The following CAB39 variants were observed in gnomAD, a reference collection of about 807,000 sequenced individuals.
CAB39 encodes calcium-binding protein 39.
A neutral mutation model predicts 40.0 loss-of-function variants in CAB39; 8 were observed. The ratio of observed to expected loss-of-function variants is 0.20; its 90% CI spans 0.12 to 0.36. The LOEUF (loss-of-function observed/expected upper bound fraction) is 0.36, where lower values mean the gene tolerates loss of function less well. Among genes scored for constraint, CAB39 ranks in the 10% least tolerant of loss-of-function variants. The pLI, the probability that CAB39 is intolerant of heterozygous loss-of-function variation, is 1.00. For missense variants in CAB39, 270 were observed against 401.1 expected, an observed-to-expected ratio of 0.67 and a Z score of 2.79; for synonymous variants, 156 against 141.6, an observed-to-expected ratio of 1.10 and a Z score of -0.72.
chr2:230,807,858 G>A (rs982976882), intron 5 of CAB39, among the ~76,000 whole-genome samples: 2 of 152,080 alleles, frequency 1.3e-5, no homozygotes, highest in East Asian at 1.9e-4. Flanking sequence ...CACTCTCTTC[G>A]TGAGGTTATG....
At chr2:230,801,477 G>A (rs1284715711) in intron 5 of CAB39, among the ~76,000 whole-genome samples, 1 of 152,168 alleles carries the variant, frequency 6.6e-6, no homozygotes, top group Non-Finnish European at 1.5e-5. Flanking sequence ...TGAGAATGTG[G>A]CAAGAGCGCC....
At chr2:230,731,725 G>GC (rs1694693310) in intron 1 of CAB39, among the ~76,000 whole-genome samples, 1 of 152,120 alleles carries the variant, frequency 6.6e-6, no homozygotes, top group African/African-American at 2.4e-5. Context: ...TCTTGAACTG[G>GC]CCTTAGGCAA....
At chr2:230,774,694 T>C (rs1695554739) in intron 2 of CAB39, among the ~76,000 whole-genome samples, 1 of 152,158 alleles carries the variant, frequency 6.6e-6, no homozygotes, top group Non-Finnish European at 1.5e-5. Flanking sequence ...TTTGCTGACA[T>C]ATTTTAAGAG....
chr2:230,802,151 T>C (rs1696101500), intron 5 of CAB39, among the ~76,000 whole-genome samples: 1 of 152,156 alleles, frequency 6.6e-6, no homozygotes, highest in Admixed American at 6.5e-5. Context: ...AACAACCTGC[T>C]CCTGAATGAC....
At chr2:230,777,295 CT>C (rs1695609845) in intron 2 of CAB39, among the ~76,000 whole-genome samples, 1 of 151,182 alleles carries the variant, frequency 6.6e-6, no homozygotes, top group African/African-American at 2.4e-5. Context: ...TTTTCTCCCT[CT>C]CTCTGGGGCA....
At chr2:230,734,530 G>C (rs556960111) in intron 1 of CAB39, among the ~76,000 whole-genome samples, 1 of 152,268 alleles carries the variant, frequency 6.6e-6, no homozygotes, top group Non-Finnish European at 1.5e-5. Context: ...GAAAGAAATG[G>C]TTCTGGGGGT....
At chr2:230,736,574 T>C (rs576982567) in intron 1 of CAB39, among the ~76,000 whole-genome samples, 2 of 152,180 alleles carry the variant, frequency 1.3e-5, no homozygotes, top group Non-Finnish European at 1.5e-5. Flanking sequence ...CAAGACAGTT[T>C]ATGAGATAAA....
intron 2 of CAB39, among the ~76,000 whole-genome samples, chr2:230,781,136 G>A (rs1464172918): frequency 6.6e-6 from 1 of 152,084 alleles, no homozygotes; most frequent in Admixed American, 6.5e-5. Flanking sequence ...AGTTTCTCAG[G>A]TGATTCTGAG....
Position 230,818,875 on chromosome 2 carries a change from C to T in CAB39, c.*171C>T, listed in dbSNP as rs1559621829. 1.8e-6 allele frequency: 1 copy of T among 559,912 alleles called. No homozygotes were observed. Among genetic ancestry groups the T allele is most frequent in the Non-Finnish European group, 3.2e-6 (1 of 314,268 alleles). 34.7% of individuals were successfully genotyped at this position (559,912 alleles called of 1,614,324 possible). A position where few individuals can be genotyped will look rare whatever the true frequency, so the allele number is the denominator to read the frequency against. On this transcript the variant is annotated 3_prime_UTR_variant, in exon 9 of 9. Transcript: ENST00000258418. The stretch of plus-strand genomic sequence containing the variant: ...TCCAGGTTGGAGATCGTAGCTGCTG[C>T]TGCTTGCACACTAGGGCACATGTGG...
intron 1 of CAB39, among the ~76,000 whole-genome samples, chr2:230,727,912 C>T (rs1694615389): frequency 1.3e-5 from 2 of 152,062 alleles, no homozygotes; most frequent in South Asian, 4.1e-4. Flanking sequence ...ATTCTAGATC[C>T]TAGAATACCA....
chr2:230,798,180 G>C (rs1212858586), intron 4 of CAB39, among the ~76,000 whole-genome samples: 1 of 152,188 alleles, frequency 6.6e-6, no homozygotes, highest in African/African-American at 2.4e-5. Context: ...GGGACACTTT[G>C]TGAAGTCCTC....
At chr2:230,776,820 A>C (rs1250342820) in intron 2 of CAB39, among the ~76,000 whole-genome samples, 2 of 151,904 alleles carry the variant, frequency 1.3e-5, no homozygotes, top group Non-Finnish European at 2.9e-5. Flanking sequence ...CCTCCCCAGT[A>C]GCTGGGACTA....
intron 1 of CAB39, among the ~76,000 whole-genome samples, chr2:230,733,812 C>G (rs1030685719): frequency 6.6e-6 from 1 of 152,200 alleles, no homozygotes; most frequent in African/African-American, 2.4e-5. Context: ...CCAGGAGTTT[C>G]ACAAGATCGT....
At chr2:230,746,712 C>T (rs1694984084) in intron 1 of CAB39, among the ~76,000 whole-genome samples, 1 of 152,068 alleles carries the variant, frequency 6.6e-6, no homozygotes, top group African/African-American at 2.4e-5. Context: ...GCCTCTGGCT[C>T]CTTTCTGCAT....
chr2:230,726,539 A>T (rs6756724), intron 1 of CAB39, among the ~76,000 whole-genome samples: 1 of 152,118 alleles, frequency 6.6e-6, no homozygotes, highest in Non-Finnish European at 1.5e-5. Context: ...GCTTTGGCAC[A>T]TAAGTCACAT....
At chr2:230,727,608 G>T (rs979544907) in intron 1 of CAB39, among the ~76,000 whole-genome samples, 3 of 151,542 alleles carry the variant, frequency 2.0e-5, no homozygotes. Context: ...GTAGAGATGG[G>T]GTTTTGCTAT....
chr2:230,762,694 T>C (rs1695316449), intron 2 of CAB39, among the ~76,000 whole-genome samples: 1 of 152,232 alleles, frequency 6.6e-6, no homozygotes, highest in African/African-American at 2.4e-5. Context: ...GCTAAATATG[T>C]TGTCTACTCA....
chr2:230,753,126 T>C (rs1695118845), intron 1 of CAB39, among the ~76,000 whole-genome samples: 1 of 151,440 alleles, frequency 6.6e-6, no homozygotes, highest in Non-Finnish European at 1.5e-5. Context: ...AATAAATAAA[T>C]AGATGCAGGA....
At chr2:230,747,939 G>C (rs79026570) in intron 1 of CAB39, among the ~76,000 whole-genome samples, 2,982 of 152,168 alleles carry the variant, frequency 0.02, 89 homozygotes, top group African/African-American at 0.068. Context: ...TTTTACATAC[G>C]TCATAATACC....
Sources: allele counts gnomAD v4.1 joint callset (sites outside exome capture counted in the v4.1 genomes callset), GRCh38; gene constraint gnomAD v4.1.1; transcripts MANE v1.5; gene names NCBI Gene and HGNC (gene_info 2026-07-23, HGNC 2026-07-21).